ASTN2: variants seen among roughly 807,000 people sequenced by gnomAD.
ASTN2 encodes the protein astrotactin 2, also known as astrotactin-2.
ASTN2 carries 54 observed loss-of-function variants against 139.8 expected under a neutral mutation model. The observed-to-expected ratio is 0.39, with a 90% confidence interval of 0.31 to 0.48. The LOEUF is 0.48. ASTN2 is among the 20% of genes least tolerant of loss of function. The pLI, the probability that ASTN2 is intolerant of heterozygous loss-of-function variation, is 0.95. For missense variants in ASTN2, 1,565 were observed against 1,725.1 expected, an observed-to-expected ratio of 0.91 and a Z score of 1.64; for synonymous variants, 756 against 719.5, an observed-to-expected ratio of 1.05 and a Z score of -0.81.
chr9:117,254,966 G>T (rs1224791724), intron 2 of ASTN2, among the ~76,000 whole-genome samples: 1 of 152,122 alleles, frequency 6.6e-6, no homozygotes, highest in Admixed American at 6.5e-5. Context: ...AAAAAGTACT[G>T]ATATAAAGAA....
intron 11 of ASTN2, among the ~76,000 whole-genome samples, chr9:116,848,927 A>G (rs1832515710): frequency 6.6e-6 from 1 of 152,164 alleles, no homozygotes; most frequent in Non-Finnish European, 1.5e-5. Context: ...TCCAAGCCCC[A>G]GGTTATTAAA....
chr9:117,003,074 C>A (rs115221912), intron 7 of ASTN2, among the ~76,000 whole-genome samples: 5 of 152,092 alleles, frequency 3.3e-5, no homozygotes, highest in African/African-American at 1.2e-4. Context: ...GGGCATGGTG[C>A]CTTCAGGAAA....
At chr9:117,073,446 G>C (rs1828189584) in intron 5 of ASTN2, among the ~76,000 whole-genome samples, 1 of 152,078 alleles carries the variant, frequency 6.6e-6, no homozygotes, top group African/African-American at 2.4e-5. Context: ...AGGCAGGGTT[G>C]TGAGACCCTC....
chr9:116,815,816 A>AAAAAAAAAC (rs1554750246), intron 12 of ASTN2, among the ~76,000 whole-genome samples: 1,804 of 141,028 alleles, frequency 0.013, 251 homozygotes, highest in African/African-American at 0.045. Flanking sequence ...AAAAAAAAAA[A>AAAAAAAAAC]AAAAAAAAAA....
chr9:116,484,472 G>A (rs975591036), intron 20 of ASTN2, among the ~76,000 whole-genome samples: 2 of 152,132 alleles, frequency 1.3e-5, no homozygotes, highest in Non-Finnish European at 2.9e-5. Flanking sequence ...CTTGGCTCAA[G>A]AGGAAGACGA....
intron 16 of ASTN2, among the ~76,000 whole-genome samples, chr9:116,714,051 T>C (rs1442848834): frequency 2.0e-5 from 3 of 152,248 alleles, no homozygotes; most frequent in Non-Finnish European, 4.4e-5. Context: ...TAACTCATAA[T>C]AGGAACTCAA....
intron 1 of ASTN2, among the ~76,000 whole-genome samples, chr9:117,408,292 A>G (rs1326250066): frequency 3.3e-5 from 5 of 152,124 alleles, no homozygotes; most frequent in African/African-American, 1.2e-4. Flanking sequence ...GGGCTTCAAG[A>G]CAATTGGGCT....
intron 20 of ASTN2, among the ~76,000 whole-genome samples, chr9:116,451,294 A>G (rs1427785987): frequency 1.3e-5 from 2 of 152,272 alleles, no homozygotes; most frequent in Non-Finnish European, 2.9e-5. Context: ...ACTTAAAATT[A>G]AATACATATA....
chr9:117,250,842 A>T (rs1833517420), intron 2 of ASTN2, among the ~76,000 whole-genome samples: 1 of 152,208 alleles, frequency 6.6e-6, no homozygotes, highest in Non-Finnish European at 1.5e-5. Context: ...AAGGTCCCCA[A>T]GGGCTTCTAG....
At chr9:116,430,344 G>A (rs1847457188) in intron 22 of ASTN2, among the ~76,000 whole-genome samples, 1 of 152,198 alleles carries the variant, frequency 6.6e-6, no homozygotes, top group Non-Finnish European at 1.5e-5. Context: ...ATTCCAGGGT[G>A]AAGATGAAGT....
At chr9:117,296,265 G>T (rs1376600574) in intron 1 of ASTN2, among the ~76,000 whole-genome samples, 1 of 107,736 alleles carries the variant, frequency 9.3e-6, no homozygotes, top group Non-Finnish European at 1.7e-5. Context: ...GCAACAGAGT[G>T]AGACTGCATC....
intron 6 of ASTN2, among the ~76,000 whole-genome samples, chr9:117,011,618 T>G (rs1837538499): frequency 6.6e-6 from 1 of 152,220 alleles, no homozygotes; most frequent in Admixed American, 6.5e-5. Context: ...GAGTTATACA[T>G]TTGGTTTAAT....
At chr9:117,304,244 G>A (rs74654242) in intron 1 of ASTN2, among the ~76,000 whole-genome samples, 8,283 of 152,240 alleles carry the variant, frequency 0.054, 293 homozygotes, top group Non-Finnish European at 0.078. Flanking sequence ...ATAGCTAACT[G>A]GAAGATGCCG....
intron 22 of ASTN2, among the ~76,000 whole-genome samples, chr9:116,438,765 C>T (rs1020786116): frequency 5.3e-5 from 8 of 151,932 alleles, no homozygotes; most frequent in Admixed American, 1.3e-4. Context: ...GCCAACTTGG[C>T]GAAACCCTCT....
At chr9:117,350,874 C>A (rs956819691) in intron 1 of ASTN2, among the ~76,000 whole-genome samples, 2 of 152,132 alleles carry the variant, frequency 1.3e-5, no homozygotes, top group South Asian at 4.2e-4. Flanking sequence ...AAGTTATGTT[C>A]AGTACTCAAG....
chr9:117,003,953 C>CGCGTGTGTGTGTGT (rs1218309835), intron 7 of ASTN2, among the ~76,000 whole-genome samples: 40 of 146,280 alleles, frequency 2.7e-4, no homozygotes, highest in African/African-American at 9.4e-4. Context: ...CGCGCGCGCG[C>CGCGTGTGTGTGTGT]GTGTGTGTGT....
At chr9:116,590,688 T>G (rs1854343308) in intron 19 of ASTN2, among the ~76,000 whole-genome samples, 1 of 152,160 alleles carries the variant, frequency 6.6e-6, no homozygotes, top group African/African-American at 2.4e-5. Flanking sequence ...TTTTCCAGAC[T>G]TGACCATGGA....
At chr9:117,139,241 G>T (rs187654773) in intron 4 of ASTN2, among the ~76,000 whole-genome samples, 1 of 152,318 alleles carries the variant, frequency 6.6e-6, no homozygotes, top group African/African-American at 2.4e-5. Flanking sequence ...ATTCCCTGAT[G>T]CATGCCATCT....
At chr9:116,545,164 C>A (rs1327594377) in intron 19 of ASTN2, among the ~76,000 whole-genome samples, 2 of 152,216 alleles carry the variant, frequency 1.3e-5, no homozygotes, top group Non-Finnish European at 2.9e-5. Context: ...GGATGCCAGA[C>A]TTGGCATGGG....
Sources: allele counts gnomAD v4.1 joint callset (sites outside exome capture counted in the v4.1 genomes callset), GRCh38; gene constraint gnomAD v4.1.1; transcripts MANE v1.5; gene names NCBI Gene and HGNC (gene_info 2026-07-23, HGNC 2026-07-21).